Variants in ATAD3A observed in about 807,000 individuals in gnomAD.
ATAD3A encodes the protein ATPase family AAA domain-containing protein 3A.
A neutral mutation model predicts 73.8 loss-of-function variants in ATAD3A; 46 were observed. That is an observed-to-expected ratio of 0.62 (90% CI 0.49 to 0.80). The LOEUF (loss-of-function observed/expected upper bound fraction) is 0.80, where lower values mean the gene tolerates loss of function less well. ATAD3A is among the 30% of genes least tolerant of loss of function. The pLI is 0.00. For missense variants in ATAD3A, 705 were observed against 838.0 expected, an observed-to-expected ratio of 0.84 and a Z score of 1.96; for synonymous variants, 319 against 350.0, an observed-to-expected ratio of 0.91 and a Z score of 0.99.
intron 2 of ATAD3A, chr1:1,517,062 CA>C: frequency 6.7e-7 from 1 of 1,502,250 alleles, no homozygotes; most frequent in Non-Finnish European, 8.9e-7. Context: ...CAGTGCAGTC[CA>C]AAAGGGGGTG....
chr1:1,532,459 C>G (rs1299452025), intron 15 of ATAD3A, among the ~76,000 whole-genome samples: 1 of 152,216 alleles, frequency 6.6e-6, no homozygotes, highest in East Asian at 1.9e-4. Flanking sequence ...AGAAAAGTTG[C>G]AAGAGTAGCA....
In ATAD3A at chr1:1,512,400, G is replaced by A; in HGVS notation, c.132G>A (p.Lys44=). 1.6e-6 allele frequency: 2 copies of A among 1,237,432 alleles called. No homozygotes were observed. Among genetic ancestry groups the A allele is most frequent in the Non-Finnish European group, 1.0e-6 (1 of 985,972 alleles). 76.7% of individuals were successfully genotyped at this position (1,237,432 alleles called of 1,614,324 possible). A position where few individuals can be genotyped will look rare whatever the true frequency, so the allele number is the denominator to read the frequency against. ...GGTTGGGAGACCGGCCGGCGCCCAA[G>A]GACAAATGGAGCAACTTCGACCCCA... ...DRGLGDRPAP[K]DKWSNFDPTG... The change falls in exon 1 of 16, where the codon AAG becomes AAA. Residue 44 remains lysine, a synonymous_variant. Transcript: ENST00000378756.
At chr1:1,529,090 C>A (rs1346408939) in intron 14 of ATAD3A, 133 bp from the exon 15 acceptor site, 2 of 1,360,156 alleles carry the variant, frequency 1.5e-6, no homozygotes, top group South Asian at 1.3e-5. Flanking sequence ...TGGAGCTGGG[C>A]TGTCAGAAGT....
intron 2 of ATAD3A, among the ~76,000 whole-genome samples, chr1:1,516,377 C>T (rs1641358831): frequency 6.9e-6 from 1 of 145,554 alleles, no homozygotes. Context: ...CCTGGATCTT[C>T]TCATTTCATT....
At position 1,512,241 on chromosome 1, in the gene ATAD3A, C is replaced by T. The variant is rs1641216012; in HGVS notation, c.-28C>T. ...AGTCAGACTCGGGTGGGGGTCCCGGCGGCGGTAGCGGCGGCGGCGGTGCGA... is the reference window on the plus strand; with the variant it reads ...AGTCAGACTCGGGTGGGGGTCCCGGTGGCGGTAGCGGCGGCGGCGGTGCGA... On this transcript the variant is annotated 5_prime_UTR_variant, in exon 1 of 16. Coordinates refer to ENST00000378756, the MANE Select transcript of ATAD3A (RefSeq NM_001170535.3). 2 of 1,273,448 alleles carry T rather than the reference C, an allele frequency of 1.6e-6. No homozygotes were observed. Among genetic ancestry groups the T allele is most frequent in the Admixed American group, 3.4e-5 (1 of 29,070 alleles). The allele number at this position is 1,273,448 out of a possible 1,614,324, so 78.9% of individuals were successfully genotyped here.
intron 1 of ATAD3A, among the ~76,000 whole-genome samples, chr1:1,515,711 G>A (rs1385664212): frequency 1.3e-5 from 2 of 152,210 alleles, no homozygotes; most frequent in Non-Finnish European, 2.9e-5. Context: ...TTTAGCCATC[G>A]CCTGACTTTC....
Position 1,524,273 on chromosome 1 carries a change from A to G in ATAD3A, c.1090A>G (p.Lys364Glu). ...PGTGKTLFAKKLALHSGMDYA... is the reference protein window; with the variant it reads ...PGTGKTLFAKELALHSGMDYA... ...GTCTCCCCTCACTCTTCCTGTCCAG[A>G]AACTCGCCCTGCACTCAGGCATGGA... The change falls in exon 11 of 16, where the codon AAA becomes GAA. Residue 364 changes from lysine (K) to glutamate (E), a missense_variant and splice_region_variant. Physicochemically the swap from Lys to Glu is moderately conservative, Grantham distance 56 (BLOSUM62 1). This residue lies in a region of ATAD3A where 315 missense variants were observed against 334.1 expected (regional missense o/e 0.94). Coordinates refer to ENST00000378756, the MANE Select transcript of ATAD3A (RefSeq NM_001170535.3). The G allele has an allele frequency of 6.2e-7, 1 of 1,613,942 alleles. No homozygotes were observed. The highest frequency in any genetic ancestry group is 8.5e-7 in the Non-Finnish European group (1 of 1,179,842).
At position 1,516,004 on chromosome 1, in the gene ATAD3A, G is replaced by A. The variant is rs771141124; in HGVS notation, c.206-8G>A. On this transcript the variant is annotated splice_polypyrimidine_tract_variant and splice_region_variant and intron_variant, in intron 1 of 15. Coordinates refer to ENST00000378756, the MANE Select transcript of ATAD3A (RefSeq NM_001170535.3). The stretch of plus-strand genomic sequence containing the variant: ...TAACACCTGCCCTCCGTGTCCTTGC[G>A]TCTGCAGGTTATGCCAAGGACGCCC... The A allele has an allele frequency of 3.7e-5, 59 of 1,613,848 alleles. No individual in the cohort carries two copies. The highest frequency in any genetic ancestry group is 1.6e-4 in the Middle Eastern group (1 of 6,076).
At position 1,534,377 on chromosome 1, in the gene ATAD3A, C is replaced by T. The variant is rs1292975766; in HGVS notation, c.*305C>T. On this transcript the variant is annotated 3_prime_UTR_variant, in exon 16 of 16. Coordinates refer to ENST00000378756, the MANE Select transcript of ATAD3A (RefSeq NM_001170535.3). ...TTTGCACCCCAGCCCCTGCCCAGGCCACTGTGAGGGTGGGTGCTGGCTGAG... is the reference window on the plus strand; with the variant it reads ...TTTGCACCCCAGCCCCTGCCCAGGCTACTGTGAGGGTGGGTGCTGGCTGAG... The T allele has an allele frequency of 2.9e-6, 4 of 1,365,376 alleles. No individual in the cohort carries two copies. Among genetic ancestry groups the T allele is most frequent in the Admixed American group, 3.3e-5 (1 of 30,760 alleles). The allele number at this position is 1,365,376 out of a possible 1,614,324, so 84.6% of individuals were successfully genotyped here.
intron 7 of ATAD3A, among the ~76,000 whole-genome samples, chr1:1,522,333 G>T (rs1641628185): frequency 6.6e-6 from 1 of 152,176 alleles, no homozygotes; most frequent in Non-Finnish European, 1.5e-5. Flanking sequence ...GAGCTACTGT[G>T]CCCAGCCAGC....
chr1:1,520,540 C>T lies in ATAD3A; in HGVS notation c.681-8C>T, dbSNP rs986733179. 6.2e-7 allele frequency: 1 copy of T among 1,613,944 alleles called. No individual in the cohort carries two copies. Among genetic ancestry groups the T allele is most frequent in the Non-Finnish European group, 8.5e-7 (1 of 1,179,904 alleles). On this transcript the variant is annotated splice_region_variant and splice_polypyrimidine_tract_variant and intron_variant, in intron 6 of 15. Transcript: ENST00000378756. This position sits in a 1 kb window ranked among gnomAD's most constrained non-coding sequence, Gnocchi z 4.0. ...TCCTTCCTGGTCACACCACTGCTTT[C>T]CCCGCAGGACGGCTGGCACCTTGTT...
At chr1:1,533,707 A>ATT (rs1436129720) in intron 15 of ATAD3A, among the ~76,000 whole-genome samples, 4,353 of 151,434 alleles carry the variant, frequency 0.029, 225 homozygotes, top group African/African-American at 0.1. Flanking sequence ...ATTGAGCAAC[A>ATT]GCAGTGCTGA....
chr1:1,533,788 G>C (rs1642117178), intron 15 of ATAD3A, 138 bp from the exon 16 acceptor site: 1 of 1,253,072 alleles, frequency 8.0e-7, no homozygotes. Flanking sequence ...GCTCTGCCGA[G>C]GTGCGGGAAG....
At chr1:1,525,665 T>C (rs562002092) in intron 12 of ATAD3A, among the ~76,000 whole-genome samples, 19 of 152,190 alleles carry the variant, frequency 1.2e-4, no homozygotes, top group South Asian at 8.3e-4. Context: ...CCTCCCGCCT[T>C]GGCCTCCCAA....
intron 7 of ATAD3A, among the ~76,000 whole-genome samples, chr1:1,521,699 C>T (rs1423765267): frequency 6.6e-6 from 1 of 152,224 alleles, no homozygotes; most frequent in Non-Finnish European, 1.5e-5. Context: ...GCGCCGATGA[C>T]TTTTGTTTGT....
At chr1:1,514,087 G>T (rs1313931303) in intron 1 of ATAD3A, among the ~76,000 whole-genome samples, 1 of 152,146 alleles carries the variant, frequency 6.6e-6, no homozygotes, top group African/African-American at 2.4e-5. Flanking sequence ...GCGCTGGGAC[G>T]CACGTCCCTG....
At position 1,523,544 on chromosome 1, in the gene ATAD3A, G is replaced by A. The variant is rs779111850; in HGVS notation, c.940G>A (p.Ala314Thr). 1.7e-5 allele frequency: 28 copies of A among 1,612,842 alleles called. No individual in the cohort carries two copies. The highest frequency in any genetic ancestry group is 2.1e-5 in the Non-Finnish European group (25 of 1,179,698). The part of the protein sequence containing the change: ...SRRLLSRPQD[A>T]LEGVVLSPSL... ...GCGGCTCCTCAGTCGACCCCAGGAC[G>A]CGCTGGAGGGTGTTGTGCTCAGTGT... The change falls in exon 9 of 16, where the codon GCG becomes ACG. Residue 314 changes from alanine to threonine, a missense_variant. Ala to Thr is a moderately conservative substitution (Grantham distance 58). Transcript: ENST00000378756. This position sits in a 1 kb window ranked among gnomAD's most constrained non-coding sequence, Gnocchi z 5.1.
Position 1,522,727 on chromosome 1 carries a change from C to G in ATAD3A, c.751-17C>G, listed in dbSNP as rs377172843. 3 of 1,611,672 alleles carry G rather than the reference C, an allele frequency of 1.9e-6. No homozygotes were observed. The South Asian group carries it at 3.3e-5, about 18-fold the overall frequency. On this transcript the variant is annotated splice_polypyrimidine_tract_variant and intron_variant, in intron 7 of 15. Transcript: ENST00000378756. The stretch of plus-strand genomic sequence containing the variant: ...GACGGTGGGGGCCGGTGCGCCAGTG[C>G]GGTGTCTCTGCTGCAGGTGGCTGGG...
intron 2 of ATAD3A, among the ~76,000 whole-genome samples, chr1:1,516,655 C>T (rs571988920): frequency 9.1e-4 from 138 of 151,980 alleles, no homozygotes; most frequent in Non-Finnish European, 1.4e-3. Context: ...TCAAGTGATC[C>T]ACCTGCCTCG....
Sources: allele counts gnomAD v4.1 joint callset (sites outside exome capture counted in the v4.1 genomes callset), GRCh38; gene constraint gnomAD v4.1.1; regional missense constraint gnomAD v4.1.1; non-coding constraint Gnocchi (gnomAD v3.1); transcripts MANE v1.5; gene names NCBI Gene and HGNC (gene_info 2026-07-23, HGNC 2026-07-21).